Variants in DGKH observed in about 807,000 individuals in gnomAD.
DGKH encodes diacylglycerol kinase eta.
A neutral mutation model predicts 159.3 loss-of-function variants in DGKH; 90 were observed. That is an observed-to-expected ratio of 0.57 (90% confidence interval 0.48 to 0.67). The LOEUF is 0.67. DGKH is among the 30% of genes least tolerant of loss of function. DGKH has a pLI of 0.00. For missense variants in DGKH, 1,181 were observed against 1,506.1 expected, an observed-to-expected ratio of 0.78 and a Z score of 3.57; for synonymous variants, 536 against 553.8, an observed-to-expected ratio of 0.97 and a Z score of 0.45.
intron 1 of DGKH, among the ~76,000 whole-genome samples, chr13:42,055,352 A>C (rs924601023): frequency 1.3e-5 from 2 of 152,220 alleles, no homozygotes; most frequent in African/African-American, 4.8e-5. Flanking sequence ...ATGTGAACTA[A>C]ATATAGACTG....
At position 42,057,451 on chromosome 13, in the gene DGKH, T is replaced by C. The variant is rs555195269; in HGVS notation, c.192+8486T>C. On this transcript the variant is annotated intron_variant, in intron 1 of 29. Transcript: ENST00000337343. Reference sequence around the variant, plus strand: ...GTTCCTCGACACTCTTGTAGTACTTTAAAATTATGTGATATTATAATATTT... The same window carrying C: ...GTTCCTCGACACTCTTGTAGTACTTCAAAATTATGTGATATTATAATATTT... Among the ~76,000 whole-genome samples, 3 of 152,298 alleles carry C rather than the reference T, an allele frequency of 2.0e-5. No homozygotes were observed. The East Asian group carries it at 5.8e-4, about 29-fold the overall frequency.
At position 42,159,263 on chromosome 13, in the gene DGKH, T is replaced by TTTTTTTTTTTG; in HGVS notation, c.623-3_623-2insTTTTTTTTTTG. 1 of 1,249,718 alleles carries TTTTTTTTTTTG rather than the reference T, an allele frequency of 8.0e-7. No homozygotes were observed. The highest frequency in any genetic ancestry group is 1.1e-6 in the Non-Finnish European group (1 of 894,572). The allele number at this position is 1,249,718 out of a possible 1,614,324, so 77.4% of individuals were successfully genotyped here. On this transcript the variant is annotated splice_polypyrimidine_tract_variant and splice_region_variant and intron_variant, in intron 5 of 29. Coordinates refer to ENST00000337343, the MANE Select transcript of DGKH (RefSeq NM_178009.5). ...GTTGCTCTTTTTTTTTTTTTTTTTT[T>TTTTTTTTTTTG]AGTGTGTAAATTCAAGGCTCACAAA... is the stretch of plus-strand genomic sequence containing the variant.
At chr13:42,046,373 A>T (rs1461089614), upstream of DGKH, among the ~76,000 whole-genome samples, 1 of 152,196 alleles carries the variant, frequency 6.6e-6, no homozygotes, top group East Asian at 1.9e-4. Flanking sequence ...CACAAATTAG[A>T]TATTCATTCT....
intron 29 of DGKH, among the ~76,000 whole-genome samples, chr13:42,252,051 C>T (rs1181476601): frequency 6.6e-6 from 1 of 151,804 alleles, no homozygotes; most frequent in African/African-American, 2.4e-5. Context: ...CCTCTGTGGT[C>T]ACAAGTGATA....
rs1958502662 is a variant in DGKH, at chr13:42,240,943, C to A, written c.*11755C>A. 1 of 152,098 alleles carries A rather than the reference C, an allele frequency of 6.6e-6. No homozygotes were observed. Among genetic ancestry groups the A allele is most frequent in the African/African-American group, 2.4e-5 (1 of 41,394 alleles). The allele number at this position is 152,098 out of a possible 1,614,324, so 9.4% of individuals were successfully genotyped here. On this transcript the variant is annotated 3_prime_UTR_variant, in exon 30 of 30. Transcript: ENST00000337343. Reference sequence around the variant, plus strand: ...ACAAGTCAACATGGTGAAACCTCATCTCTGCTAAAAATACAAAAACTAGCC... The same window carrying A: ...ACAAGTCAACATGGTGAAACCTCATATCTGCTAAAAATACAAAAACTAGCC...
chr13:42,129,537 T>A lies in DGKH; in HGVS notation c.304-15T>A. On this transcript the variant is annotated splice_polypyrimidine_tract_variant and intron_variant, in intron 2 of 29. Coordinates refer to ENST00000337343, the MANE Select transcript of DGKH (RefSeq NM_178009.5). ...TTTTCTTCTAATGTCTTTGTATGTT[T>A]TTTTTCATTAACAGTCTCTGATATT... The A allele has an allele frequency of 6.2e-7, 1 of 1,602,622 alleles. No individual in the cohort carries two copies. The highest frequency in any genetic ancestry group is 8.5e-7 in the Non-Finnish European group (1 of 1,171,936).
chr13:42,115,365 A>C (rs1954945227), intron 1 of DGKH, among the ~76,000 whole-genome samples: 1 of 152,206 alleles, frequency 6.6e-6, no homozygotes, highest in South Asian at 2.1e-4. Context: ...TAGAAAAATA[A>C]ATGAGGTACA....
chr13:42,127,661 C>T lies in DGKH; in HGVS notation c.303+88C>T, dbSNP rs534915115. 2.2e-4 allele frequency: 210 copies of T among 941,726 alleles called. 2 individuals carry two copies. Among genetic ancestry groups the T allele is most frequent in the Non-Finnish European group, 3.2e-4 (192 of 594,118 alleles). 58.3% of individuals were successfully genotyped at this position (941,726 alleles called of 1,614,324 possible). The stretch of plus-strand genomic sequence containing the variant: ...CTGTAAGCTGTTTTTGTCTTGGAAG[C>T]GCACTGTAGCATTATGCTCTTATAT... On this transcript the variant is annotated intron_variant, in intron 2 of 29. Coordinates refer to ENST00000337343, the MANE Select transcript of DGKH (RefSeq NM_178009.5).
At chr13:42,192,865 A>G (rs1957116965) in intron 16 of DGKH, among the ~76,000 whole-genome samples, 1 of 152,156 alleles carries the variant, frequency 6.6e-6, no homozygotes, top group African/African-American at 2.4e-5. Flanking sequence ...GCACCATTTT[A>G]AACAAAATTC....
intron 11 of DGKH, among the ~76,000 whole-genome samples, chr13:42,171,091 TTCTGGATACAG>T (rs965837082): frequency 6.6e-6 from 1 of 152,198 alleles, no homozygotes; most frequent in African/African-American, 2.4e-5. Flanking sequence ...AAATGTAGTT[TTCTGGATACAG>T]TGGGAATAAA....
chr13:42,144,008 A>C (rs978963270), intron 3 of DGKH, among the ~76,000 whole-genome samples: 2 of 152,220 alleles, frequency 1.3e-5, no homozygotes, highest in Non-Finnish European at 2.9e-5. Flanking sequence ...AACTAAAAAA[A>C]ATTATTTTAA....
intron 3 of DGKH, among the ~76,000 whole-genome samples, chr13:42,150,454 T>TA (rs2137928532): frequency 6.6e-6 from 1 of 152,332 alleles, no homozygotes; most frequent in East Asian, 1.9e-4. Flanking sequence ...TTAAAAAAGT[T>TA]ACATTTCTTT....
intron 1 of DGKH, among the ~76,000 whole-genome samples, chr13:42,084,585 C>T (rs528506981): frequency 6.6e-6 from 1 of 151,976 alleles, no homozygotes; most frequent in South Asian, 2.1e-4. Flanking sequence ...CAATGTATTG[C>T]GTATTTTTAA....
intron 1 of DGKH, among the ~76,000 whole-genome samples, chr13:42,059,905 CTTTTTTT>C (rs11357293): frequency 7.2e-6 from 1 of 139,818 alleles, no homozygotes; most frequent in Non-Finnish European, 1.5e-5. Context: ...TCTCTTTTTT[CTTTTTTT>C]TTTTTTTTAT....
At chr13:42,145,946 G>T (rs1955717369) in intron 3 of DGKH, among the ~76,000 whole-genome samples, 1 of 152,116 alleles carries the variant, frequency 6.6e-6, no homozygotes, top group Non-Finnish European at 1.5e-5. Flanking sequence ...TTTGTGGTCT[G>T]GTTTCTGCAC....
chr13:42,144,355 C>T (rs550175559), intron 3 of DGKH, among the ~76,000 whole-genome samples: 4 of 152,078 alleles, frequency 2.6e-5, no homozygotes, highest in Admixed American at 6.5e-5. Flanking sequence ...CCCTAAGAGG[C>T]CCCCAGTGAT....
intron 20 of DGKH, among the ~76,000 whole-genome samples, chr13:42,200,195 A>G (rs1957313309): frequency 6.6e-6 from 1 of 152,280 alleles, no homozygotes; most frequent in Middle Eastern, 3.4e-3. Flanking sequence ...GAGGGTTTTT[A>G]ATGGATTTTC....
intron 30 of DGKH, chr13:42,255,740 G>T: frequency 2.4e-6 from 1 of 408,606 alleles, no homozygotes. Context: ...ATGACATGTG[G>T]GAAGCAAAAC....
At chr13:42,134,107 A>G (rs763047039) in intron 3 of DGKH, among the ~76,000 whole-genome samples, 12 of 152,212 alleles carry the variant, frequency 7.9e-5, no homozygotes, top group Non-Finnish European at 1.5e-4. Flanking sequence ...CGGTAAATGG[A>G]AAATGGAAAA....
Sources: gnomAD v4.1 joint callset for allele counts (sites outside exome capture counted in the v4.1 genomes callset) on GRCh38, gnomAD v4.1.1 for gene constraint, MANE v1.5 for transcripts, NCBI Gene and HGNC (gene_info 2026-07-23, HGNC 2026-07-21) for gene names.